The following SOCS5 variants were observed in gnomAD, a reference collection of about 807,000 sequenced individuals.
SOCS5 encodes CIS-6.
SOCS5 carries 32 observed loss-of-function variants against 42.8 expected under a neutral mutation model. The observed-to-expected ratio is 0.75, with a 90% CI of 0.56 to 1.01. The LOEUF is 1.01. Among genes scored for constraint, SOCS5 ranks in the 50% least tolerant of loss-of-function variants. The pLI, the probability that SOCS5 is intolerant of heterozygous loss-of-function variation, is 0.00. For missense variants in SOCS5, 627 were observed against 653.0 expected (o/e 0.96, Z 0.43); for synonymous variants, 283 against 229.6 (o/e 1.23, Z -2.10).
At position 46,760,098 on chromosome 2, in the gene SOCS5, T is replaced by C; in HGVS notation, c.1568T>C (p.Val523Ala). Reference sequence around the variant, plus strand: ...AAAGAGTATCATTATAAACAAAAAGTTAGAGTTCGCTGGTTGGAACGAGAA... The same window carrying C: ...AAAGAGTATCATTATAAACAAAAAGCTAGAGTTCGCTGGTTGGAACGAGAA... ...FLKEYHYKQK[V>A]RVRWLEREPV... The change falls in exon 2 of 2, where the codon GTT becomes GCT. Residue 523 changes from valine (V) to alanine (A), a missense_variant. This residue lies in a region of SOCS5 where 340 missense variants were observed against 367.6 expected (regional missense o/e 0.92). Transcript: ENST00000394861. The C allele has an allele frequency of 6.2e-7, 1 of 1,613,824 alleles. No individual in the cohort carries two copies. Among genetic ancestry groups the C allele is most frequent in the Non-Finnish European group, 8.5e-7 (1 of 1,179,842 alleles).
chr2:46,749,801 A>G (rs1161399754), intron 1 of SOCS5, among the ~76,000 whole-genome samples: 1 of 152,172 alleles, frequency 6.6e-6, no homozygotes, highest in African/African-American at 2.4e-5. Flanking sequence ...TTCTTAGGAT[A>G]TAATATGGAA....
In SOCS5 at chr2:46,759,552, G is replaced by T; in HGVS notation, c.1022G>T (p.Arg341Leu). 6.2e-7 allele frequency: 1 copy of T among 1,613,978 alleles called. No individual in the cohort carries two copies. Among genetic ancestry groups the T allele is most frequent in the Non-Finnish European group, 8.5e-7 (1 of 1,179,866 alleles). The change falls in exon 2 of 2, where the codon CGT becomes CTT. Residue 341 changes from arginine to leucine, a missense_variant. Physicochemically the swap from Arg to Leu is moderately radical, Grantham distance 102 (BLOSUM62 -2). Coordinates refer to ENST00000394861, the MANE Select transcript of SOCS5 (RefSeq NM_144949.3). ...TTGCAGTCACGGAGGCAGAAGCAGC[G>T]TCAGATATCTGGAGACAGCCATACC... ...LCLQSRRQKQ[R>L]QISGDSHTHV...
At chr2:46,738,400 T>C (rs1480608579) in intron 1 of SOCS5, among the ~76,000 whole-genome samples, 1 of 152,166 alleles carries the variant, frequency 6.6e-6, no homozygotes, top group Non-Finnish European at 1.5e-5. Flanking sequence ...TAACATTAAA[T>C]ATGGTGGTAT....
At chr2:46,744,674 C>T (rs1673459534) in intron 1 of SOCS5, among the ~76,000 whole-genome samples, 2 of 151,834 alleles carry the variant, frequency 1.3e-5, no homozygotes, top group South Asian at 4.2e-4. Flanking sequence ...ATTACAGGCG[C>T]ATGCCCCCAT....
In SOCS5 at chr2:46,758,871, ACT is replaced by A; in HGVS notation, c.345_346del (p.Arg116ThrfsTer23). Reference sequence around the variant, plus strand: ...ACAAGACTTGCACGAAGAGATTCCTACTCTCGACATGCTCCATGGGGTGGGAA... The same window carrying A: ...ACAAGACTTGCACGAAGAGATTCCTACTCGACATGCTCCATGGGGTGGGAA... On this transcript the variant is annotated frameshift_variant, in exon 2 of 2. Coordinates refer to ENST00000394861, the MANE Select transcript of SOCS5 (RefSeq NM_144949.3). LOFTEE classifies it high-confidence loss of function. 2 of 1,614,000 alleles carry A rather than the reference ACT, an allele frequency of 1.2e-6. No individual in the cohort carries two copies. The highest frequency in any genetic ancestry group is 1.7e-6 in the Non-Finnish European group (2 of 1,179,886).
At chr2:46,703,157 G>T (rs143360741) in intron 1 of SOCS5, among the ~76,000 whole-genome samples, 310 of 152,240 alleles carry the variant, frequency 2.0e-3, no homozygotes, top group African/African-American at 7.2e-3. Flanking sequence ...TTTTACAGGT[G>T]AGGGATTAAA....
chr2:46,758,513 C>T lies in SOCS5; in HGVS notation c.-12-6C>T, dbSNP rs1489250763. On this transcript the variant is annotated splice_polypyrimidine_tract_variant and splice_region_variant and intron_variant, in intron 1 of 1. Coordinates refer to ENST00000394861, the MANE Select transcript of SOCS5 (RefSeq NM_144949.3). ...TATTTTTCTCTTTTTGCTGTTTTGT[C>T]TTTAGATTTTATAATCAATGGATAA... The T allele has an allele frequency of 5.8e-6, 9 of 1,560,836 alleles. No individual in the cohort carries two copies. Among genetic ancestry groups the T allele is most frequent in the Non-Finnish European group, 7.8e-6 (9 of 1,153,668 alleles).
At chr2:46,712,986 G>T (rs539224829) in intron 1 of SOCS5, among the ~76,000 whole-genome samples, 1 of 152,096 alleles carries the variant, frequency 6.6e-6, no homozygotes. Context: ...ATGTTTGATG[G>T]AATTTATCAA....
At chr2:46,743,360 T>TA (rs1195563621) in intron 1 of SOCS5, among the ~76,000 whole-genome samples, 1 of 152,214 alleles carries the variant, frequency 6.6e-6, no homozygotes, top group Non-Finnish European at 1.5e-5. Context: ...GGTTATTTCT[T>TA]AATGATATGC....
intron 1 of SOCS5, among the ~76,000 whole-genome samples, chr2:46,725,197 AAT>A (rs976600359): frequency 1.3e-5 from 2 of 151,996 alleles, no homozygotes; most frequent in African/African-American, 4.8e-5. Flanking sequence ...TCTTCTTATT[AAT>A]AGTTCTATGT....
chr2:46,757,204 C>G (rs1303357442), intron 1 of SOCS5, among the ~76,000 whole-genome samples: 1 of 152,142 alleles, frequency 6.6e-6, no homozygotes, highest in Non-Finnish European at 1.5e-5. Context: ...TCCTAGTTAA[C>G]TTCTTGAAAA....
chr2:46,759,889 G>T lies in SOCS5; in HGVS notation c.1359G>T (p.Thr453=). The change falls in exon 2 of 2, where the codon ACG becomes ACT. Residue 453 remains threonine (T), a synonymous_variant. Transcript: ENST00000394861. The part of the protein sequence containing the change: ...DPCVFHSSTV[T]GLLEHYKDPS... ...GTGTATTTCACTCCTCCACTGTAAC[G>T]GGACTTTTAGAACATTATAAAGATC... The T allele has an allele frequency of 6.2e-7, 1 of 1,614,068 alleles. No homozygotes were observed. Among genetic ancestry groups the T allele is most frequent in the Non-Finnish European group, 8.5e-7 (1 of 1,180,000 alleles).
At chr2:46,702,900 G>C (rs1672374692) in intron 1 of SOCS5, among the ~76,000 whole-genome samples, 1 of 152,138 alleles carries the variant, frequency 6.6e-6, no homozygotes, top group Non-Finnish European at 1.5e-5. Flanking sequence ...TGCCTTCTCA[G>C]GTTTTTCTGT....
intron 1 of SOCS5, among the ~76,000 whole-genome samples, chr2:46,730,819 G>C (rs1190670500): frequency 2.0e-5 from 3 of 152,112 alleles, no homozygotes; most frequent in Admixed American, 1.3e-4. Context: ...ATGTAGGCTA[G>C]GATATCGGAT....
At chr2:46,754,210 G>A (rs1342504486) in intron 1 of SOCS5, among the ~76,000 whole-genome samples, 2 of 152,048 alleles carry the variant, frequency 1.3e-5, no homozygotes, top group African/African-American at 2.4e-5. Flanking sequence ...TGTCTGTATT[G>A]GGGAAGCCAT....
At chr2:46,739,182 AC>A (rs1673315636) in intron 1 of SOCS5, among the ~76,000 whole-genome samples, 1 of 152,196 alleles carries the variant, frequency 6.6e-6, no homozygotes, top group Non-Finnish European at 1.5e-5. Flanking sequence ...AGCAAAACAT[AC>A]ATAACCATAT....
In SOCS5 at chr2:46,751,521, C is replaced by A. The variant is rs1673622248; in HGVS notation, c.-12-6998C>A. ...ATAAAAGAAAACATGTGGAAAGATA[C>A]TCACCAGAATATTAACAGTGATTAT... On this transcript the variant is annotated intron_variant, in intron 1 of 1. Coordinates refer to ENST00000394861, the MANE Select transcript of SOCS5 (RefSeq NM_144949.3). Among the ~76,000 whole-genome samples the A allele has an allele frequency of 1.3e-5, 2 of 151,816 alleles. 1 individual carries two copies. Among genetic ancestry groups the A allele is most frequent in the South Asian group, 4.2e-4 (2 of 4,802 alleles).
chr2:46,715,369 G>A (rs1672714532), intron 1 of SOCS5, among the ~76,000 whole-genome samples: 2 of 115,798 alleles, frequency 1.7e-5, no homozygotes, highest in Admixed American at 9.6e-5. Flanking sequence ...GTAACACCCT[G>A]TCAAAAAAAA....
chr2:46,750,604 GAAGCAGTAGAACTT>G (rs565233868), intron 1 of SOCS5, among the ~76,000 whole-genome samples: 210 of 152,280 alleles, frequency 1.4e-3, no homozygotes, highest in South Asian at 2.5e-3. Flanking sequence ...AGTATTCAGA[GAAGCAGTAGAACTT>G]ACTAATATAG....
Sources: gnomAD v4.1 joint callset for allele counts (sites outside exome capture counted in the v4.1 genomes callset) on GRCh38, gnomAD v4.1.1 for gene constraint, gnomAD v4.1.1 regional missense constraint, MANE v1.5 for transcripts, NCBI Gene and HGNC (gene_info 2026-07-23, HGNC 2026-07-21) for gene names.